Variants in PHKB observed in about 807,000 individuals in gnomAD.
The protein encoded by PHKB is phosphorylase kinase regulatory subunit beta.
PHKB carries 122 observed loss-of-function variants against 152.1 expected under a neutral mutation model. The ratio of observed to expected loss-of-function variants is 0.80; its 90% CI spans 0.69 to 0.93. The LOEUF (loss-of-function observed/expected upper bound fraction) is 0.93, where lower values mean the gene tolerates loss of function less well. Ranked by LOEUF, PHKB falls within the 40% of genes least tolerant of loss-of-function variation. The probability of loss-of-function intolerance (pLI) is 0.00; values close to 1 mark genes in which losing one functional copy is unlikely to be tolerated. For missense variants in PHKB, 1,304 were observed against 1,328.4 expected, an observed-to-expected ratio of 0.98 and a Z score of 0.29; for synonymous variants, 436 against 464.9, an observed-to-expected ratio of 0.94 and a Z score of 0.80.
chr16:47,610,790 CA>C, intron 13 of PHKB, 35 bp from the exon 14 acceptor site: 1 of 1,156,494 alleles, frequency 8.6e-7, no homozygotes, highest in Non-Finnish European at 1.3e-6. Context: ...TATGCAAATG[CA>C]TTTTCGATAA....
chr16:47,664,369 G>A (rs1029203138), intron 24 of PHKB: 2 of 159,136 alleles, frequency 1.3e-5, no homozygotes, highest in East Asian at 3.7e-4. Context: ...GAAAGTCAGA[G>A]CGTATGTATA....
intron 16 of PHKB, 143 bp from the exon 17 acceptor site, chr16:47,648,390 C>T: frequency 1.4e-6 from 1 of 699,240 alleles, no homozygotes; most frequent in South Asian, 1.5e-5. Flanking sequence ...CTTTGGTTAG[C>T]TTGTCTTCCT....
chr16:47,530,510 A>G (rs1214613431), intron 6 of PHKB, among the ~76,000 whole-genome samples: 1 of 152,222 alleles, frequency 6.6e-6, no homozygotes, highest in Non-Finnish European at 1.5e-5. Context: ...GGCAAGAAGT[A>G]ATAGGTGTGG....
intron 6 of PHKB, among the ~76,000 whole-genome samples, chr16:47,516,453 C>G (rs369956224): frequency 6.6e-6 from 1 of 152,300 alleles, no homozygotes; most frequent in East Asian, 1.9e-4. Flanking sequence ...AACAAACACA[C>G]AAGCACATGC....
At chr16:47,499,938 T>C in intron 3 of PHKB, 44 bp downstream of exon 3, 7 of 1,609,250 alleles carry the variant, frequency 4.3e-6, no homozygotes, top group South Asian at 1.1e-5. Context: ...GAGTGGATAA[T>C]AGGGTTTTGT....
chr16:47,684,309 A>G (rs554705045), intron 26 of PHKB, among the ~76,000 whole-genome samples: 2 of 152,174 alleles, frequency 1.3e-5, no homozygotes, highest in South Asian at 4.2e-4. Flanking sequence ...CTGGGTGACA[A>G]GTAAGACCGT....
chr16:47,565,568 T>C (rs1971550922), intron 7 of PHKB: 2 of 1,103,316 alleles, frequency 1.8e-6, no homozygotes, highest in African/African-American at 1.5e-5. Flanking sequence ...TTATTGAGTG[T>C]TTCATTTTCT....
chr16:47,690,001 A>C (rs1433431728), intron 27 of PHKB, among the ~76,000 whole-genome samples: 1 of 152,264 alleles, frequency 6.6e-6, no homozygotes, highest in African/African-American at 2.4e-5. Context: ...TCAGAAAAAC[A>C]TAAAAGAAGG....
At chr16:47,576,401 C>A (rs1021837600) in intron 7 of PHKB, among the ~76,000 whole-genome samples, 19 of 152,186 alleles carry the variant, frequency 1.2e-4, no homozygotes, top group African/African-American at 4.1e-4. Flanking sequence ...CTGGAGTAAA[C>A]CCTACTTAGT....
At chr16:47,471,949 G>A (rs1969776624) in intron 1 of PHKB, among the ~76,000 whole-genome samples, 1 of 152,134 alleles carries the variant, frequency 6.6e-6, no homozygotes, top group Non-Finnish European at 1.5e-5. Flanking sequence ...CCAGCTACTC[G>A]CAAGGCTGAG....
chr16:47,541,077 G>A (rs562737846), intron 6 of PHKB, among the ~76,000 whole-genome samples: 5 of 152,018 alleles, frequency 3.3e-5, no homozygotes, highest in East Asian at 1.9e-4. Flanking sequence ...TACATGTACC[G>A]TGTTGGTTTG....
At chr16:47,483,983 A>G (rs1970009061) in intron 1 of PHKB, among the ~76,000 whole-genome samples, 2 of 152,174 alleles carry the variant, frequency 1.3e-5, no homozygotes, top group Non-Finnish European at 2.9e-5. Context: ...TTGTTTCCTA[A>G]AAAGGAGTTC....
chr16:47,680,560 G>A (rs1228985435), intron 26 of PHKB, among the ~76,000 whole-genome samples: 1 of 152,168 alleles, frequency 6.6e-6, no homozygotes, highest in East Asian at 1.9e-4. Context: ...TTGCGTAGAG[G>A]TGTTTATAGT....
At chr16:47,493,457 AG>A (rs1350592364) in intron 1 of PHKB, among the ~76,000 whole-genome samples, 1 of 152,182 alleles carries the variant, frequency 6.6e-6, no homozygotes, top group African/African-American at 2.4e-5. Context: ...AAACTAGTTG[AG>A]GTATTTTAAA....
intron 16 of PHKB, among the ~76,000 whole-genome samples, chr16:47,647,560 C>T (rs993940592): frequency 6.6e-6 from 1 of 151,050 alleles, no homozygotes; most frequent in East Asian, 1.9e-4. Context: ...TGCAGTGGCT[C>T]GATCATGGCT....
At chr16:47,642,385 A>G (rs1030158480) in intron 16 of PHKB, among the ~76,000 whole-genome samples, 1 of 152,218 alleles carries the variant, frequency 6.6e-6, no homozygotes, top group Non-Finnish European at 1.5e-5. Context: ...TGCTCTGCAG[A>G]TGGATCCATT....
At chr16:47,512,847 A>G (rs1280328167) in intron 5 of PHKB, among the ~76,000 whole-genome samples, 1 of 152,202 alleles carries the variant, frequency 6.6e-6, no homozygotes, top group Non-Finnish European at 1.5e-5. Flanking sequence ...AATAAAGAGT[A>G]TCTCCTTTTT....
At chr16:47,654,122 G>A (rs1455338613) in intron 20 of PHKB, among the ~76,000 whole-genome samples, 1 of 152,146 alleles carries the variant, frequency 6.6e-6, no homozygotes, top group African/African-American at 2.4e-5. Context: ...GGCATGCCAC[G>A]AGTGATCAAA....
At chr16:47,609,743 T>G (rs1972392830) in intron 13 of PHKB, among the ~76,000 whole-genome samples, 1 of 152,180 alleles carries the variant, frequency 6.6e-6, no homozygotes, top group South Asian at 2.1e-4. Flanking sequence ...CTTATAATCC[T>G]TTAGTTCTGT....
Sources: allele counts gnomAD v4.1 joint callset (sites outside exome capture counted in the v4.1 genomes callset), GRCh38; gene constraint gnomAD v4.1.1; transcripts MANE v1.5; gene names NCBI Gene and HGNC (gene_info 2026-07-23, HGNC 2026-07-21).